Variants in NOL4 observed in about 807,000 individuals in gnomAD.
The protein encoded by NOL4 is nucleolar protein 4.
In NOL4, 17 loss-of-function variants were observed where a neutral mutation model predicts 75.9. That is an observed-to-expected ratio of 0.22 (90% confidence interval 0.15 to 0.34). The LOEUF (loss-of-function observed/expected upper bound fraction) is 0.34, where lower values mean the gene tolerates loss of function less well. Among genes scored for constraint, NOL4 ranks in the 10% least tolerant of loss-of-function variants. NOL4 has a pLI of 1.00. For missense variants in NOL4, 614 were observed against 793.5 expected (o/e 0.77, Z 2.72); for synonymous variants, 292 against 289.9 (o/e 1.01, Z -0.07).
intron 5 of NOL4, among the ~76,000 whole-genome samples, chr18:34,084,206 C>T (rs2078140925): frequency 6.6e-6 from 1 of 152,136 alleles, no homozygotes. Flanking sequence ...AGCGGGTGTG[C>T]TGGGCTGGGT....
chr18:34,022,061 G>A (rs989640389), intron 5 of NOL4, among the ~76,000 whole-genome samples: 1 of 151,456 alleles, frequency 6.6e-6, no homozygotes, highest in African/African-American at 2.4e-5. Context: ...CTGAAATCGC[G>A]CCATTGCACT....
At chr18:33,857,333 T>C (rs1377965790) in intron 10 of NOL4, among the ~76,000 whole-genome samples, 8 of 152,058 alleles carry the variant, frequency 5.3e-5, no homozygotes, top group Non-Finnish European at 1.2e-4. Flanking sequence ...CTTCTTCTTT[T>C]AACTTCTGAT....
chr18:34,095,251 A>ATGTGTGTGTGTGTGTGTGTGTGTGTG (rs60017439), intron 4 of NOL4, among the ~76,000 whole-genome samples: 1 of 144,408 alleles, frequency 6.9e-6, no homozygotes, highest in Non-Finnish European at 1.5e-5. Flanking sequence ...TCTAATGTGT[A>ATGTGTGTGTGTGTGTGTGTGTGTGTG]TGTGTGTGTG....
intron 10 of NOL4, among the ~76,000 whole-genome samples, chr18:33,882,877 T>TA (rs1473622874): frequency 5.3e-5 from 8 of 151,796 alleles, no homozygotes; most frequent in Admixed American, 1.3e-4. Context: ...TATGCAGCCA[T>TA]AAAAAATGAT....
chr18:33,963,364 T>C (rs1222018406), intron 6 of NOL4, among the ~76,000 whole-genome samples: 3 of 152,128 alleles, frequency 2.0e-5, no homozygotes, highest in Admixed American at 6.5e-5. Context: ...GGAATGTGAG[T>C]ATTGGAATGG....
chr18:34,220,475 T>C (rs1285740718), intron 1 of NOL4, among the ~76,000 whole-genome samples: 1 of 152,166 alleles, frequency 6.6e-6, no homozygotes, highest in Non-Finnish European at 1.5e-5. Flanking sequence ...GATCAATATA[T>C]GCCTTGGAAT....
chr18:33,897,606 A>G (rs894542515), intron 9 of NOL4, among the ~76,000 whole-genome samples: 1 of 152,054 alleles, frequency 6.6e-6, no homozygotes, highest in African/African-American at 2.4e-5. Flanking sequence ...ACTGGGTTCT[A>G]CTTGAGGAAG....
Position 34,105,101 on chromosome 18 carries a change from G to A in NOL4, c.474C>T (p.Cys158=), listed in dbSNP as rs112130577. 6.2e-7 allele frequency: 1 copy of A among 1,612,362 alleles called. No individual in the cohort carries two copies. The highest frequency in any genetic ancestry group is 1.1e-5 in the South Asian group (1 of 91,052). Residue 158 remains cysteine, a synonymous_variant, in exon 3 of 11, where the codon TGC becomes TGT. Transcript: ENST00000261592. ...REAVTRFLMS[C]SECQKRMHLN... is the part of the protein sequence containing the mutation. Reference sequence around the variant, plus strand: ...AATGCATTCTTTTCTGGCACTCTGAGCAGCTCATTAGAAATCGTGTCACCG... The same window carrying A: ...AATGCATTCTTTTCTGGCACTCTGAACAGCTCATTAGAAATCGTGTCACCG...
chr18:33,943,009 A>G (rs2068597173), intron 9 of NOL4, 56 bp downstream of exon 9: 1 of 1,156,060 alleles, frequency 8.7e-7, no homozygotes, highest in Non-Finnish European at 1.3e-6. Context: ...AAATCAAATT[A>G]AATGAACTAC....
chr18:33,924,056 TAC>T (rs2067189290), intron 9 of NOL4, among the ~76,000 whole-genome samples: 1 of 152,178 alleles, frequency 6.6e-6, no homozygotes, highest in African/African-American at 2.4e-5. Flanking sequence ...TAAGAAATCA[TAC>T]ACACACTTGT....
At chr18:33,921,755 A>T (rs1555658494) in intron 9 of NOL4, among the ~76,000 whole-genome samples, 1 of 152,146 alleles carries the variant, frequency 6.6e-6, no homozygotes, top group Non-Finnish European at 1.5e-5. Flanking sequence ...TGCTATTTTA[A>T]ATCACTGAGT....
intron 5 of NOL4, among the ~76,000 whole-genome samples, chr18:34,081,584 T>C (rs1344716520): frequency 6.6e-6 from 1 of 152,146 alleles, no homozygotes; most frequent in Admixed American, 6.5e-5. Flanking sequence ...AGTTATAAAA[T>C]AAGCTTATAA....
chr18:33,921,190 G>A (rs1329700174), intron 9 of NOL4, among the ~76,000 whole-genome samples: 5 of 152,138 alleles, frequency 3.3e-5, no homozygotes. Context: ...TTTGCCCCAG[G>A]ATGGACCATA....
At chr18:34,054,776 A>C (rs926285898) in intron 5 of NOL4, among the ~76,000 whole-genome samples, 1 of 151,654 alleles carries the variant, frequency 6.6e-6, no homozygotes, top group Admixed American at 6.6e-5. Flanking sequence ...TTGTAGCTCT[A>C]TTACTTCTCC....
chr18:33,963,621 G>C (rs1340707395), intron 6 of NOL4, among the ~76,000 whole-genome samples: 1 of 152,152 alleles, frequency 6.6e-6, no homozygotes, highest in African/African-American at 2.4e-5. Flanking sequence ...ATGGAAGATG[G>C]ATACATGCTT....
intron 8 of NOL4, among the ~76,000 whole-genome samples, chr18:33,950,157 G>A (rs970294744): frequency 9.9e-5 from 15 of 151,350 alleles, no homozygotes; most frequent in Non-Finnish European, 2.2e-4. Flanking sequence ...CCCACTAATT[G>A]TTAAATAGAT....
At chr18:34,066,333 T>C (rs1301612325) in intron 5 of NOL4, among the ~76,000 whole-genome samples, 1 of 151,974 alleles carries the variant, frequency 6.6e-6, no homozygotes, top group African/African-American at 2.4e-5. Context: ...TACATTAAAA[T>C]AGAAAGTTTC....
intron 6 of NOL4, among the ~76,000 whole-genome samples, chr18:33,980,768 A>G (rs1476199862): frequency 6.6e-6 from 1 of 152,066 alleles, no homozygotes; most frequent in Non-Finnish European, 1.5e-5. Context: ...TCCTTTTACC[A>G]AGAACATCAT....
chr18:34,143,886 A>AAAC (rs373735870), intron 1 of NOL4, among the ~76,000 whole-genome samples: 70 of 145,466 alleles, frequency 4.8e-4, no homozygotes, highest in Non-Finnish European at 5.9e-4. Context: ...AAAAAAAAAA[A>AAAC]CCTGAAACTT....
Sources: allele counts gnomAD v4.1 joint callset (sites outside exome capture counted in the v4.1 genomes callset), GRCh38; gene constraint gnomAD v4.1.1; transcripts MANE v1.5; gene names NCBI Gene and HGNC (gene_info 2026-07-23, HGNC 2026-07-21).